The following TMEM132C variants were observed in gnomAD, a reference collection of about 807,000 sequenced individuals.
TMEM132C encodes protein phosphatase 1, regulatory subunit 152.
Under a neutral mutation model 61.4 loss-of-function variants are expected in TMEM132C, and 29 were observed. That is an observed-to-expected ratio of 0.47 (90% CI 0.35 to 0.64). The LOEUF (loss-of-function observed/expected upper bound fraction) is 0.64, where lower values mean the gene tolerates loss of function less well. Ranked by LOEUF, TMEM132C falls within the 30% of genes least tolerant of loss-of-function variation. The probability of loss-of-function intolerance (pLI) is 0.00; values close to 1 mark genes in which losing one functional copy is unlikely to be tolerated. For missense variants in TMEM132C, 1,408 were observed against 1,476.9 expected, an observed-to-expected ratio of 0.95 and a Z score of 0.76; for synonymous variants, 656 against 633.1, an observed-to-expected ratio of 1.04 and a Z score of -0.54.
intron 4 of TMEM132C, among the ~76,000 whole-genome samples, chr12:128,654,114 C>T (rs1434756377): frequency 6.6e-6 from 1 of 152,216 alleles, no homozygotes; most frequent in Non-Finnish European, 1.5e-5. Flanking sequence ...ATGCTGAAGT[C>T]CTAATCCTCA....
chr12:128,644,194 C>T (rs1954178823), intron 4 of TMEM132C, among the ~76,000 whole-genome samples: 1 of 152,162 alleles, frequency 6.6e-6, no homozygotes, highest in Admixed American at 6.5e-5. Context: ...AACAATTTGC[C>T]AGTTTCTTAA....
intron 6 of TMEM132C, 74 bp from the exon 7 acceptor site, chr12:128,695,756 G>T: frequency 1.4e-6 from 2 of 1,448,244 alleles, no homozygotes; most frequent in East Asian, 2.5e-5. Flanking sequence ...AGGTTGAGGT[G>T]AGCGCCTGCC....
At chr12:128,448,836 C>T (rs1205802859) in intron 2 of TMEM132C, among the ~76,000 whole-genome samples, 2 of 152,054 alleles carry the variant, frequency 1.3e-5, no homozygotes, top group African/African-American at 4.8e-5. Context: ...GGGTTAGAGT[C>T]TGGTGGCTTG....
At chr12:128,426,987 T>C (rs1869207341) in intron 2 of TMEM132C, among the ~76,000 whole-genome samples, 1 of 152,234 alleles carries the variant, frequency 6.6e-6, no homozygotes, top group South Asian at 2.1e-4. Flanking sequence ...ATATAGTCCC[T>C]TTCTATCTAA....
chr12:128,293,361 C>A (rs1284336313), intron 1 of TMEM132C, among the ~76,000 whole-genome samples: 2 of 152,086 alleles, frequency 1.3e-5, no homozygotes, highest in Non-Finnish European at 2.9e-5. Context: ...GGTCTTATTT[C>A]TTCTTTTTAG....
chr12:128,369,366 G>C (rs551667884), intron 1 of TMEM132C, among the ~76,000 whole-genome samples: 15 of 152,208 alleles, frequency 9.9e-5, no homozygotes, highest in African/African-American at 2.4e-4. Flanking sequence ...TTAATACAAT[G>C]TTCACTATGA....
chr12:128,392,689 G>C (rs1247565458), intron 1 of TMEM132C, among the ~76,000 whole-genome samples: 3 of 151,926 alleles, frequency 2.0e-5, no homozygotes, highest in Admixed American at 1.3e-4. Flanking sequence ...TATTTCAGGG[G>C]TATCCAATCT....
At chr12:128,333,148 A>G (rs1394343582) in intron 1 of TMEM132C, among the ~76,000 whole-genome samples, 3 of 151,262 alleles carry the variant, frequency 2.0e-5, no homozygotes, top group African/African-American at 7.3e-5. Flanking sequence ...ATGTGTGTGC[A>G]TGTATGTGTG....
intron 3 of TMEM132C, among the ~76,000 whole-genome samples, chr12:128,559,828 G>A (rs1221617662): frequency 2.0e-5 from 3 of 152,126 alleles, no homozygotes; most frequent in Admixed American, 1.3e-4. Context: ...GTATGAACAG[G>A]GACCATGTGC....
chr12:128,348,447 T>A (rs1409722041), intron 1 of TMEM132C, among the ~76,000 whole-genome samples: 1 of 152,242 alleles, frequency 6.6e-6, no homozygotes, highest in Non-Finnish European at 1.5e-5. Flanking sequence ...ATGCCCTAAC[T>A]AGAAACTCCA....
chr12:128,543,288 A>G (rs765346076), intron 2 of TMEM132C, among the ~76,000 whole-genome samples: 12 of 152,300 alleles, frequency 7.9e-5, no homozygotes, highest in Middle Eastern at 3.4e-3. Context: ...ATCTCTTTAC[A>G]TCTATTTAAT....
intron 5 of TMEM132C, among the ~76,000 whole-genome samples, chr12:128,683,312 G>A: frequency 6.6e-6 from 1 of 152,144 alleles, no homozygotes; most frequent in East Asian, 1.9e-4. Flanking sequence ...TCCCCTACTT[G>A]TGGGCTTTCT....
At chr12:128,359,000 A>G (rs959439788) in intron 1 of TMEM132C, among the ~76,000 whole-genome samples, 1 of 152,144 alleles carries the variant, frequency 6.6e-6, no homozygotes, top group African/African-American at 2.4e-5. Flanking sequence ...CTGCACATCA[A>G]CACATCCAGT....
chr12:128,269,118 A>G (rs1355032077), intron 1 of TMEM132C, among the ~76,000 whole-genome samples: 2 of 152,110 alleles, frequency 1.3e-5, no homozygotes, highest in South Asian at 2.1e-4. Flanking sequence ...CCTAGATGCA[A>G]AGTGGCCATT....
intron 3 of TMEM132C, among the ~76,000 whole-genome samples, chr12:128,608,902 T>C (rs1876518987): frequency 6.6e-6 from 1 of 152,228 alleles, no homozygotes; most frequent in South Asian, 2.1e-4. Context: ...ATGGATATGA[T>C]TTGCAATACT....
At chr12:128,456,162 C>T (rs1870332370) in intron 2 of TMEM132C, among the ~76,000 whole-genome samples, 1 of 151,970 alleles carries the variant, frequency 6.6e-6, no homozygotes, top group Non-Finnish European at 1.5e-5. Flanking sequence ...ACCACGTGGG[C>T]TCTTTCAGGA....
In TMEM132C at chr12:128,622,360, AATATATATATATATAT is replaced by A. The variant is rs767066742; in HGVS notation, c.1305+6051_1305+6066del. ...CTTTGTCTCAAAAAAAAAAAAAAAA[AATATATATATATATAT>A]ATATATATATATATATATATATATA... On this transcript the variant is annotated intron_variant, in intron 4 of 8. Transcript: ENST00000435159. Among the ~76,000 whole-genome samples, 33 of 30,126 alleles carry A rather than the reference AATATATATATATATAT, an allele frequency of 1.1e-3. 1 individual carries two copies. The highest frequency in any genetic ancestry group is 2.8e-3 in the African/African-American group (17 of 6,072). The allele number at this position is 30,126 out of a possible 152,430, so 19.8% of individuals were successfully genotyped here.
At chr12:128,602,872 C>T (rs771461407) in intron 3 of TMEM132C, among the ~76,000 whole-genome samples, 3 of 152,220 alleles carry the variant, frequency 2.0e-5, no homozygotes, top group Non-Finnish European at 4.4e-5. Flanking sequence ...CAGCAAAGTG[C>T]AGAGGAGACT....
chr12:128,689,958 C>T (rs1198501081), intron 5 of TMEM132C, among the ~76,000 whole-genome samples: 1 of 152,212 alleles, frequency 6.6e-6, no homozygotes, highest in Non-Finnish European at 1.5e-5. Flanking sequence ...GCCAGGCTCC[C>T]ACAGGACATC....
Sources: gnomAD v4.1 joint callset for allele counts (sites outside exome capture counted in the v4.1 genomes callset) on GRCh38, gnomAD v4.1.1 for gene constraint, MANE v1.5 for transcripts, NCBI Gene and HGNC (gene_info 2026-07-23, HGNC 2026-07-21) for gene names.